THRB: variants seen among roughly 807,000 people sequenced by gnomAD.
THRB encodes thyroid hormone receptor beta.
A neutral mutation model predicts 47.8 loss-of-function variants in THRB; 12 were observed. That is an observed-to-expected ratio of 0.25 (90% CI 0.16 to 0.41). The LOEUF (loss-of-function observed/expected upper bound fraction) is 0.41, where lower values mean the gene tolerates loss of function less well. THRB is among the 10% of genes least tolerant of loss of function. The pLI is 1.00. For missense variants in THRB, 348 were observed against 589.2 expected, an observed-to-expected ratio of 0.59 and a Z score of 4.24; for synonymous variants, 218 against 212.2, an observed-to-expected ratio of 1.03 and a Z score of -0.24.
intron 5 of THRB, among the ~76,000 whole-genome samples, chr3:24,169,842 T>G (rs1170439107): frequency 6.6e-6 from 1 of 151,948 alleles, no homozygotes; most frequent in Non-Finnish European, 1.5e-5. Flanking sequence ...CAGCTTTTAT[T>G]TGTTACATAT....
At chr3:24,276,477 A>G (rs2053925667) in intron 3 of THRB, among the ~76,000 whole-genome samples, 1 of 152,242 alleles carries the variant, frequency 6.6e-6, no homozygotes, top group African/African-American at 2.4e-5. Flanking sequence ...CCTTGAAAAG[A>G]GTACCTAATT....
chr3:24,415,848 A>G (rs1208695596), intron 1 of THRB, among the ~76,000 whole-genome samples: 1 of 151,816 alleles, frequency 6.6e-6, no homozygotes, highest in Non-Finnish European at 1.5e-5. Context: ...TACTGAGTTG[A>G]TACAGATCCA....
At position 24,453,029 on chromosome 3, in the gene THRB, C is replaced by G. The variant is rs1415321175; in HGVS notation, c.-261+41623G>C. ...ACAACTCCAAAATAAGATTCTTGACCTTCCTCTCAAACCCTTATTCTCCCC... is the reference window on the plus strand; with the variant it reads ...ACAACTCCAAAATAAGATTCTTGACGTTCCTCTCAAACCCTTATTCTCCCC... On this transcript the variant is annotated intron_variant, in intron 1 of 10. Transcript: ENST00000646209. Among the ~76,000 whole-genome samples, 4 of 152,158 alleles carry G rather than the reference C, an allele frequency of 2.6e-5. No homozygotes were observed. In the East Asian group the frequency reaches 7.7e-4, roughly 29 times the overall value.
intron 1 of THRB, among the ~76,000 whole-genome samples, chr3:24,424,009 G>A (rs1290436741): frequency 1.3e-5 from 2 of 151,816 alleles, no homozygotes; most frequent in Non-Finnish European, 2.9e-5. Flanking sequence ...AATCATCAAA[G>A]CATTTATAGT....
At chr3:24,195,061 T>C (rs2043801380) in intron 4 of THRB, among the ~76,000 whole-genome samples, 1 of 152,226 alleles carries the variant, frequency 6.6e-6, no homozygotes, top group South Asian at 2.1e-4. Context: ...TTGTGTAGCA[T>C]CAGACTATTA....
At chr3:24,297,834 C>A (rs940796570) in intron 2 of THRB, among the ~76,000 whole-genome samples, 11 of 152,270 alleles carry the variant, frequency 7.2e-5, no homozygotes, top group African/African-American at 2.4e-4. Context: ...GGACCCAGCC[C>A]ATAATGCATT....
intron 1 of THRB, among the ~76,000 whole-genome samples, chr3:24,406,520 C>A (rs1370373820): frequency 6.6e-6 from 1 of 151,470 alleles, no homozygotes; most frequent in African/African-American, 2.4e-5. Context: ...GTCTGCAAGA[C>A]TAAATTTGCC....
At chr3:24,204,734 C>T (rs2045070771) in intron 4 of THRB, among the ~76,000 whole-genome samples, 2 of 152,158 alleles carry the variant, frequency 1.3e-5, no homozygotes, top group South Asian at 2.1e-4. Context: ...GAACCCATCA[C>T]AAAGAAGCTA....
chr3:24,188,758 G>GCACACACA lies in THRB; in HGVS notation c.283+1308_283+1315dup, dbSNP rs10565889. On this transcript the variant is annotated intron_variant, in intron 5 of 10. Transcript: ENST00000646209. ...ATGTATTTTGCGCACGCACACACGT[G>GCACACACA]CACACACACACACACATACGTCCTA... is the stretch of plus-strand genomic sequence containing the variant. Among the ~76,000 whole-genome samples, 1,288 of 149,320 alleles carry GCACACACA rather than the reference G, an allele frequency of 8.6e-3. 9 individuals carry two copies. Among genetic ancestry groups the GCACACACA allele is most frequent in the African/African-American group, 0.018 (718 of 40,258 alleles).
intron 4 of THRB, among the ~76,000 whole-genome samples, chr3:24,192,679 C>T (rs1024251504): frequency 1.3e-5 from 2 of 152,136 alleles, no homozygotes; most frequent in African/African-American, 4.8e-5. Context: ...GCTTGCTTAC[C>T]ATGTCCCTTG....
At chr3:24,228,271 A>G (rs1040407625) in intron 4 of THRB, among the ~76,000 whole-genome samples, 5 of 152,126 alleles carry the variant, frequency 3.3e-5, no homozygotes, top group Non-Finnish European at 7.4e-5. Flanking sequence ...TGCTATTGCA[A>G]CCTTGTATTC....
At chr3:24,300,545 T>A (rs2056866850) in intron 2 of THRB, among the ~76,000 whole-genome samples, 1 of 152,170 alleles carries the variant, frequency 6.6e-6, no homozygotes, top group African/African-American at 2.4e-5. Flanking sequence ...GCTTTTATTT[T>A]TATGGGCTAG....
At chr3:24,421,028 ATG>A (rs1423813695) in intron 1 of THRB, among the ~76,000 whole-genome samples, 1 of 152,102 alleles carries the variant, frequency 6.6e-6, no homozygotes, top group Admixed American at 6.5e-5. Context: ...ATAAAAAAGA[ATG>A]AGGTCATATC....
At chr3:24,263,137 ATGTGCAAC>A (rs2052255070) in intron 3 of THRB, among the ~76,000 whole-genome samples, 1 of 152,144 alleles carries the variant, frequency 6.6e-6, no homozygotes, top group East Asian at 1.9e-4. Context: ...TCAGTCATTT[ATGTGCAAC>A]ATTAAAATAT....
At chr3:24,252,267 C>T (rs1217394641) in intron 3 of THRB, among the ~76,000 whole-genome samples, 1 of 151,974 alleles carries the variant, frequency 6.6e-6, no homozygotes, top group Non-Finnish European at 1.5e-5. Context: ...TAAAACAGTG[C>T]AGTATTGGTG....
chr3:24,384,698 C>T (rs2065960261), intron 1 of THRB, among the ~76,000 whole-genome samples: 1 of 152,002 alleles, frequency 6.6e-6, no homozygotes. Flanking sequence ...TACAAGGGAC[C>T]TCTGGAAAAA....
intron 3 of THRB, among the ~76,000 whole-genome samples, chr3:24,287,806 A>T (rs2055479358): frequency 6.6e-6 from 1 of 152,244 alleles, no homozygotes; most frequent in African/African-American, 2.4e-5. Flanking sequence ...GATTAGATCC[A>T]GTTCACTTTC....
chr3:24,440,791 G>A (rs141867192), intron 1 of THRB, among the ~76,000 whole-genome samples: 2 of 152,176 alleles, frequency 1.3e-5, no homozygotes, highest in Non-Finnish European at 2.9e-5. Flanking sequence ...AATACAAATT[G>A]TACTGAGGGA....
intron 3 of THRB, among the ~76,000 whole-genome samples, chr3:24,238,282 G>T (rs866459234): frequency 0.04 from 4,375 of 110,706 alleles, 199 homozygotes; most frequent in Admixed American, 0.13. Flanking sequence ...TGTGTGTGGG[G>T]GGGGGGGGGG....
Sources: gnomAD v4.1 joint callset for allele counts (sites outside exome capture counted in the v4.1 genomes callset) on GRCh38, gnomAD v4.1.1 for gene constraint, MANE v1.5 for transcripts, NCBI Gene and HGNC (gene_info 2026-07-23, HGNC 2026-07-21) for gene names.